The following DNAJC3 variants were observed in gnomAD, a reference collection of about 807,000 sequenced individuals.
DNAJC3 encodes dnaJ homolog subfamily C member 3.
DNAJC3 carries 38 observed loss-of-function variants against 68.6 expected under a neutral mutation model. The observed-to-expected ratio is 0.55, with a 90% CI of 0.43 to 0.73. The LOEUF (loss-of-function observed/expected upper bound fraction) is 0.73, where lower values mean the gene tolerates loss of function less well. Among genes scored for constraint, DNAJC3 ranks in the 30% least tolerant of loss-of-function variants. The probability of loss-of-function intolerance (pLI) is 0.00; values close to 1 mark genes in which losing one functional copy is unlikely to be tolerated. For missense variants in DNAJC3, 526 were observed against 591.9 expected (o/e 0.89, Z 1.16); for synonymous variants, 203 against 204.0 (o/e 1.00, Z 0.04).
Position 95,677,174 on chromosome 13 carries a change from G to C in DNAJC3, c.-82G>C. 7.5e-7 allele frequency: 1 copy of C among 1,341,834 alleles called. No individual in the cohort carries two copies. Among genetic ancestry groups the C allele is most frequent in the Non-Finnish European group, 1.0e-6 (1 of 980,486 alleles). The allele number at this position is 1,341,834 out of a possible 1,614,324, so 83.1% of individuals were successfully genotyped here. A position where few individuals can be genotyped will look rare whatever the true frequency, so the allele number is the denominator to read the frequency against. On this transcript the variant is annotated 5_prime_UTR_variant, in exon 1 of 12. Coordinates refer to ENST00000602402, the MANE Select transcript of DNAJC3 (RefSeq NM_006260.5). ...AGGCCTGAGCGAGAGCCGACGGCGG[G>C]CGGGCGCAGCTGCTGCCGGAGCGCC...
intron 9 of DNAJC3, among the ~76,000 whole-genome samples, chr13:95,767,763 C>A (rs1278993532): frequency 6.7e-6 from 1 of 150,154 alleles, no homozygotes; most frequent in Non-Finnish European, 1.5e-5. Flanking sequence ...AATATGGGCT[C>A]ACTGCAACCT....
intron 1 of DNAJC3, among the ~76,000 whole-genome samples, chr13:95,707,898 A>G (rs920227522): frequency 9.2e-5 from 14 of 152,148 alleles, no homozygotes; most frequent in Admixed American, 3.9e-4. Flanking sequence ...GTCCATAGTA[A>G]TTGGGCAAGC....
chr13:95,763,814 G>A lies in DNAJC3; in HGVS notation c.955-19G>A. The A allele has an allele frequency of 6.2e-7, 1 of 1,613,982 alleles. No individual in the cohort carries two copies. Among genetic ancestry groups the A allele is most frequent in the Non-Finnish European group, 8.5e-7 (1 of 1,179,908 alleles). The stretch of plus-strand genomic sequence containing the variant: ...TGTGGAATACCAACCATAAATCCTT[G>A]TCTCACATTTCCTTTTAGGACGAGA... On this transcript the variant is annotated intron_variant, in intron 8 of 11. Coordinates refer to ENST00000602402, the MANE Select transcript of DNAJC3 (RefSeq NM_006260.5).
intron 9 of DNAJC3, among the ~76,000 whole-genome samples, chr13:95,773,613 T>C (rs1401716336): frequency 6.6e-6 from 1 of 152,066 alleles, no homozygotes; most frequent in Non-Finnish European, 1.5e-5. Context: ...TATTATCTTA[T>C]TATTTAATGT....
chr13:95,706,470 T>A lies in DNAJC3; in HGVS notation c.83-2757T>A, dbSNP rs554870239. On this transcript the variant is annotated intron_variant, in intron 1 of 11. Coordinates refer to ENST00000602402, the MANE Select transcript of DNAJC3 (RefSeq NM_006260.5). ...GGGATTGTGCTAGTTTATCAGCAGATCTTTTAGTGTGTTCAGCTACTTCCT... is the reference window on the plus strand; with the variant it reads ...GGGATTGTGCTAGTTTATCAGCAGAACTTTTAGTGTGTTCAGCTACTTCCT... Among the ~76,000 whole-genome samples the A allele has an allele frequency of 2.6e-5, 4 of 152,334 alleles. No individual in the cohort carries two copies. The South Asian group carries it at 8.3e-4, about 32-fold the overall frequency.
chr13:95,731,624 C>A (rs541420688), intron 4 of DNAJC3, among the ~76,000 whole-genome samples: 1 of 152,310 alleles, frequency 6.6e-6, no homozygotes, highest in South Asian at 2.1e-4. Context: ...TTGAACCATT[C>A]TTGCGTCTCT....
At chr13:95,713,050 T>G (rs529775364) in intron 2 of DNAJC3, among the ~76,000 whole-genome samples, 3 of 152,254 alleles carry the variant, frequency 2.0e-5, no homozygotes, top group Non-Finnish European at 4.4e-5. Flanking sequence ...GAAGAGGATG[T>G]GTCTGCTGCC....
rs1881395213 is a variant in DNAJC3 at position 95,723,222 on chromosome 13, A to T, written c.194-20A>T. The stretch of plus-strand genomic sequence containing the variant: ...ATTTTTGAATAAATGACTAAGAGGT[A>T]ATATTATTTTAATTTTCAGATGGTG... On this transcript the variant is annotated intron_variant, in intron 2 of 11. Coordinates refer to ENST00000602402, the MANE Select transcript of DNAJC3 (RefSeq NM_006260.5). 6.4e-7 allele frequency: 1 copy of T among 1,569,714 alleles called. No individual in the cohort carries two copies. Among genetic ancestry groups the T allele is most frequent in the African/African-American group, 1.4e-5 (1 of 73,314 alleles).
chr13:95,679,773 A>T (rs919701662), intron 1 of DNAJC3, among the ~76,000 whole-genome samples: 1 of 152,218 alleles, frequency 6.6e-6, no homozygotes, highest in Non-Finnish European at 1.5e-5. Flanking sequence ...TTATGTGTGT[A>T]TATCTCATAA....
chr13:95,735,282 C>G (rs1383447070), intron 4 of DNAJC3, among the ~76,000 whole-genome samples: 1 of 115,434 alleles, frequency 8.7e-6, no homozygotes, highest in Admixed American at 9.6e-5. Flanking sequence ...AATAAACATA[C>G]GTGTGCATGT....
At position 95,792,213 on chromosome 13, in the gene DNAJC3, G is replaced by T. The variant is rs1426728830; in HGVS notation, c.*1183G>T. The T allele has an allele frequency of 6.6e-6, 1 of 152,166 alleles. No homozygotes were observed. Among genetic ancestry groups the T allele is most frequent in the African/African-American group, 2.4e-5 (1 of 41,456 alleles). The allele number at this position is 152,166 out of a possible 1,614,324, so 9.4% of individuals were successfully genotyped here. ...AAGATGGCATCTCCTCTTGAGATAT[G>T]TTCTTCTTACCTTTTAAGAAGATAC... is the stretch of plus-strand genomic sequence containing the variant. On this transcript the variant is annotated 3_prime_UTR_variant, in exon 12 of 12. Transcript: ENST00000602402.
At chr13:95,713,060 C>G (rs1881024907) in intron 2 of DNAJC3, among the ~76,000 whole-genome samples, 1 of 152,066 alleles carries the variant, frequency 6.6e-6, no homozygotes, top group South Asian at 2.1e-4. Context: ...TGTCTGCTGC[C>G]CCTTCTGCCA....
At position 95,725,581 on chromosome 13, in the gene DNAJC3, G is replaced by A. The variant is rs17879851; in HGVS notation, c.393+329G>A. ...CAGCTGAACTACTTTTAAAGCCCTTGTTAATCCTTATTAGGCTTTGGATCT... is the reference window on the plus strand; with the variant it reads ...CAGCTGAACTACTTTTAAAGCCCTTATTAATCCTTATTAGGCTTTGGATCT... On this transcript the variant is annotated intron_variant, in intron 4 of 11. Coordinates refer to ENST00000602402, the MANE Select transcript of DNAJC3 (RefSeq NM_006260.5). 3.4e-3 allele frequency among the ~76,000 whole-genome samples: 510 copies of A among 151,804 alleles called. 4 individuals are homozygous for A. The highest frequency in any genetic ancestry group is 0.012 in the African/African-American group (483 of 41,420).
intron 1 of DNAJC3, among the ~76,000 whole-genome samples, chr13:95,679,811 C>A (rs774974896): frequency 3.3e-5 from 5 of 152,002 alleles, no homozygotes; most frequent in Non-Finnish European, 5.9e-5. Flanking sequence ...CAAATATATA[C>A]AATACAATTC....
chr13:95,712,624 C>T (rs1195016515), intron 2 of DNAJC3, among the ~76,000 whole-genome samples: 2 of 152,012 alleles, frequency 1.3e-5, no homozygotes, highest in Non-Finnish European at 2.9e-5. Flanking sequence ...GTCATCCACC[C>T]GCCTCCCAAA....
intron 9 of DNAJC3, among the ~76,000 whole-genome samples, chr13:95,767,626 T>C: frequency 6.6e-6 from 1 of 152,118 alleles, no homozygotes; most frequent in Non-Finnish European, 1.5e-5. Context: ...TACACCATTT[T>C]ACAATTTTAC....
intron 2 of DNAJC3, among the ~76,000 whole-genome samples, chr13:95,714,751 AG>A (rs1234994352): frequency 6.6e-6 from 1 of 152,208 alleles, no homozygotes; most frequent in Non-Finnish European, 1.5e-5. Flanking sequence ...TCTTAGAAAA[AG>A]TGTGTCTTAA....
chr13:95,789,210 A>G (rs1883690976), intron 11 of DNAJC3, among the ~76,000 whole-genome samples: 1 of 152,012 alleles, frequency 6.6e-6, no homozygotes, highest in Admixed American at 6.6e-5. Context: ...TTACATAGGT[A>G]AATGTGTGTT....
At chr13:95,758,295 C>G (rs1222867116) in intron 5 of DNAJC3, among the ~76,000 whole-genome samples, 1 of 151,910 alleles carries the variant, frequency 6.6e-6, no homozygotes, top group African/African-American at 2.4e-5. Flanking sequence ...TGTGATTGCT[C>G]CACTGTACCC....
Sources: allele counts gnomAD v4.1 joint callset (sites outside exome capture counted in the v4.1 genomes callset), GRCh38; gene constraint gnomAD v4.1.1; transcripts MANE v1.5; gene names NCBI Gene and HGNC (gene_info 2026-07-23, HGNC 2026-07-21).